The following NUBPL variants were observed in gnomAD, a reference collection of about 807,000 sequenced individuals.
NUBPL encodes NUBP iron-sulfur cluster assembly factor, mitochondrial.
In NUBPL, 31 loss-of-function variants were observed where a neutral mutation model predicts 45.7. The observed-to-expected ratio is 0.68, with a 90% confidence interval of 0.51 to 0.92. NUBPL has a LOEUF of 0.92. NUBPL is among the 40% of genes least tolerant of loss of function. The pLI is 0.00. For missense variants in NUBPL, 401 were observed against 398.7 expected (o/e 1.01, Z -0.05); for synonymous variants, 144 against 140.9 (o/e 1.02, Z -0.15).
chr14:31,778,839 A>G (rs1194652569), intron 6 of NUBPL, among the ~76,000 whole-genome samples: 1 of 152,192 alleles, frequency 6.6e-6, no homozygotes, highest in Non-Finnish European at 1.5e-5. Flanking sequence ...TTGTGGACAA[A>G]TTTTACACAG....
At chr14:31,692,037 T>A (rs779293092) in intron 6 of NUBPL, among the ~76,000 whole-genome samples, 8 of 152,158 alleles carry the variant, frequency 5.3e-5, no homozygotes, top group Admixed American at 2.6e-4. Flanking sequence ...ATATATATAT[T>A]TTTTTAAAGT....
intron 4 of NUBPL, among the ~76,000 whole-genome samples, chr14:31,643,288 G>T (rs145302419): frequency 6.6e-6 from 1 of 152,152 alleles, no homozygotes; most frequent in East Asian, 1.9e-4. Flanking sequence ...TGTTAGCTGT[G>T]GGTTATACGG....
intron 6 of NUBPL, among the ~76,000 whole-genome samples, chr14:31,775,744 T>C (rs1236412310): frequency 6.6e-6 from 1 of 152,208 alleles, no homozygotes; most frequent in Non-Finnish European, 1.5e-5. Context: ...TGGAGTACCT[T>C]GGTAACTCCA....
At chr14:31,666,883 A>G (rs1481835082) in intron 4 of NUBPL, among the ~76,000 whole-genome samples, 1 of 151,846 alleles carries the variant, frequency 6.6e-6, no homozygotes, top group Non-Finnish European at 1.5e-5. Flanking sequence ...GTTGGCCCCT[A>G]CTCTCTTCTG....
chr14:31,688,216 T>G (rs1462415598), intron 6 of NUBPL, among the ~76,000 whole-genome samples: 1 of 152,110 alleles, frequency 6.6e-6, no homozygotes, highest in African/African-American at 2.4e-5. Flanking sequence ...CTTAAAAAAA[T>G]ATCAATGTAA....
intron 6 of NUBPL, among the ~76,000 whole-genome samples, chr14:31,700,137 A>T (rs747973506): frequency 3.9e-5 from 6 of 152,356 alleles, no homozygotes; most frequent in African/African-American, 7.2e-5. Context: ...ATTTGGGCTT[A>T]ATTACATTTC....
chr14:31,601,883 T>C (rs532129952), intron 4 of NUBPL, among the ~76,000 whole-genome samples: 1 of 152,152 alleles, frequency 6.6e-6, no homozygotes, highest in Non-Finnish European at 1.5e-5. Context: ...GCCATCCCAT[T>C]ACTGGGTATA....
At chr14:31,792,884 A>G (rs2039408440) in intron 7 of NUBPL, among the ~76,000 whole-genome samples, 3 of 152,146 alleles carry the variant, frequency 2.0e-5, no homozygotes, top group Non-Finnish European at 4.4e-5. Flanking sequence ...TTCAGCTCCC[A>G]AGATTTAGAG....
chr14:31,858,607 A>AT (rs1267189829), intron 10 of NUBPL, among the ~76,000 whole-genome samples: 2 of 151,994 alleles, frequency 1.3e-5, no homozygotes, highest in Non-Finnish European at 2.9e-5. Context: ...CATGATATCC[A>AT]TTTTTTACCA....
chr14:31,603,311 A>G (rs566530104), intron 4 of NUBPL, among the ~76,000 whole-genome samples: 3 of 150,764 alleles, frequency 2.0e-5, no homozygotes, highest in Admixed American at 6.6e-5. Flanking sequence ...AAAAAAAAAA[A>G]AAAAAAGAAA....
At chr14:31,673,710 A>C (rs539880891) in intron 6 of NUBPL, 136 bp downstream of exon 6, 2 of 768,876 alleles carry the variant, frequency 2.6e-6, no homozygotes, top group South Asian at 3.0e-5. Flanking sequence ...TATGGCACCT[A>C]ATGAGTTAAT....
intron 6 of NUBPL, among the ~76,000 whole-genome samples, chr14:31,776,684 A>T (rs2039103411): frequency 6.6e-6 from 1 of 152,218 alleles, no homozygotes; most frequent in Non-Finnish European, 1.5e-5. Context: ...CAGCAACTGA[A>T]AAACAGCCCA....
intron 3 of NUBPL, among the ~76,000 whole-genome samples, chr14:31,587,632 T>A (rs2034028759): frequency 6.6e-6 from 1 of 152,256 alleles, no homozygotes; most frequent in African/African-American, 2.4e-5. Flanking sequence ...CATATGAGTC[T>A]TAATTTTCTT....
chr14:31,590,138 G>A (rs930580184), intron 3 of NUBPL, among the ~76,000 whole-genome samples: 1 of 152,034 alleles, frequency 6.6e-6, no homozygotes, highest in African/African-American at 2.4e-5. Flanking sequence ...CTTTCTCACA[G>A]AGCAATCCTT....
intron 2 of NUBPL, chr14:31,562,771 A>T (rs560295804): frequency 7.2e-4 from 107 of 147,890 alleles, no homozygotes; most frequent in Non-Finnish European, 1.2e-3. Context: ...CGCCCGGCTA[A>T]TTTTTTTTTT....
chr14:31,601,987 C>T (rs1421594886), intron 4 of NUBPL, among the ~76,000 whole-genome samples: 10 of 152,152 alleles, frequency 6.6e-5, no homozygotes, highest in African/African-American at 2.4e-4. Context: ...TTGGAACCAA[C>T]CCAGATGTCC....
At chr14:31,589,783 A>G (rs1370485075) in intron 3 of NUBPL, among the ~76,000 whole-genome samples, 4 of 152,194 alleles carry the variant, frequency 2.6e-5, no homozygotes, top group African/African-American at 9.7e-5. Context: ...ACATAGCATT[A>G]GGTACAACAT....
chr14:31,653,196 C>G (rs1566478393), intron 4 of NUBPL, among the ~76,000 whole-genome samples: 1 of 152,208 alleles, frequency 6.6e-6, no homozygotes, highest in Non-Finnish European at 1.5e-5. Context: ...CTATGGTCAG[C>G]TGTGCACGTA....
intron 4 of NUBPL, among the ~76,000 whole-genome samples, chr14:31,639,617 T>C (rs1214461436): frequency 1.3e-5 from 2 of 152,202 alleles, no homozygotes; most frequent in African/African-American, 4.8e-5. Flanking sequence ...TTCAAAGATA[T>C]CAGACAGGGA....
Sources: gnomAD v4.1 joint callset for allele counts (sites outside exome capture counted in the v4.1 genomes callset) on GRCh38, gnomAD v4.1.1 for gene constraint, MANE v1.5 for transcripts, NCBI Gene and HGNC (gene_info 2026-07-23, HGNC 2026-07-21) for gene names.